Variants in OSBPL6 observed in about 807,000 individuals in gnomAD.
OSBPL6 encodes the protein oxysterol binding protein like 6.
Under a neutral mutation model 125.8 loss-of-function variants are expected in OSBPL6, and 49 were observed. The ratio of observed to expected loss-of-function variants is 0.39; its 90% CI spans 0.31 to 0.49. The LOEUF (loss-of-function observed/expected upper bound fraction) is 0.49. Among genes scored for constraint, OSBPL6 ranks in the 20% least tolerant of loss-of-function variants. The probability of loss-of-function intolerance (pLI) is 0.88; values close to 1 mark genes in which losing one functional copy is unlikely to be tolerated. For missense variants in OSBPL6, 986 were observed against 1,135.4 expected (o/e 0.87, Z 1.89); for synonymous variants, 394 against 391.8 (o/e 1.01, Z -0.07).
At chr2:178,361,563 T>C (rs1560871) in intron 12 of OSBPL6, 119 bp from the exon 13 acceptor site, 860,249 of 1,154,794 alleles carry the variant, frequency 0.74, 323,198 homozygotes, top group East Asian at 1. Context: ...TTAATTAGAC[T>C]ATTACATAGC....
chr2:178,283,937 C>G (rs1233164990), intron 1 of OSBPL6, among the ~76,000 whole-genome samples: 1 of 152,184 alleles, frequency 6.6e-6, no homozygotes, highest in African/African-American at 2.4e-5. Context: ...GTGGGATCCG[C>G]TCCTGTGACC....
At chr2:178,236,732 C>T (rs893074954) in intron 1 of OSBPL6, among the ~76,000 whole-genome samples, 1 of 152,214 alleles carries the variant, frequency 6.6e-6, no homozygotes, top group African/African-American at 2.4e-5. Context: ...CAGAATTTGT[C>T]TACAGTCACT....
intron 1 of OSBPL6, among the ~76,000 whole-genome samples, chr2:178,237,451 C>G (rs1325168295): frequency 1.3e-5 from 2 of 152,066 alleles, no homozygotes; most frequent in Non-Finnish European, 2.9e-5. Context: ...TATTGCTCAC[C>G]CATTGAAAAG....
chr2:178,309,477 T>C (rs565413427), intron 3 of OSBPL6, among the ~76,000 whole-genome samples: 1 of 152,222 alleles, frequency 6.6e-6, no homozygotes, highest in Non-Finnish European at 1.5e-5. Context: ...CATGGATAAG[T>C]AAAACAAAGA....
At chr2:178,249,822 G>A (rs2091626473) in intron 1 of OSBPL6, among the ~76,000 whole-genome samples, 1 of 139,166 alleles carries the variant, frequency 7.2e-6, no homozygotes, top group Non-Finnish European at 1.5e-5. Flanking sequence ...TCCCTAACTA[G>A]AAGTGTTTTT....
chr2:178,274,169 T>C (rs1393489839), intron 1 of OSBPL6, among the ~76,000 whole-genome samples: 2 of 152,208 alleles, frequency 1.3e-5, no homozygotes, highest in Non-Finnish European at 2.9e-5. Context: ...TATTGCAAGC[T>C]AGTAAAAGAA....
chr2:178,382,708 A>C, intron 16 of OSBPL6: 1 of 1,450,844 alleles, frequency 6.9e-7, no homozygotes. Flanking sequence ...AATAGTTAAG[A>C]GAAAACGTTT....
chr2:178,363,719 A>C (rs1008419188), intron 13 of OSBPL6, among the ~76,000 whole-genome samples: 1 of 152,112 alleles, frequency 6.6e-6, no homozygotes, highest in African/African-American at 2.4e-5. Flanking sequence ...GGGTTAACAT[A>C]TTTCCCTCTC....
intron 1 of OSBPL6, among the ~76,000 whole-genome samples, chr2:178,214,634 T>C (rs1022984081): frequency 6.6e-6 from 1 of 152,156 alleles, no homozygotes; most frequent in Non-Finnish European, 1.5e-5. Flanking sequence ...TTATGGACTT[T>C]AGTCACATCT....
chr2:178,400,722 C>T lies in OSBPL6; in HGVS notation c.*5163C>T, dbSNP rs910149527. 2.0e-5 allele frequency: 3 copies of T among 152,220 alleles called. No homozygotes were observed. The highest frequency in any genetic ancestry group is 4.4e-5 in the Non-Finnish European group (3 of 68,042). 9.4% of individuals were successfully genotyped at this position (152,220 alleles called of 1,614,324 possible). ...AAATAGTGAACATATCTATCATCCC[C>T]AAAAGTTTCCCCTGCCCCTTTGTAA... On this transcript the variant is annotated 3_prime_UTR_variant, in exon 25 of 25. Coordinates refer to ENST00000190611, the MANE Select transcript of OSBPL6 (RefSeq NM_032523.4).
chr2:178,204,025 CTTTTTTTTTTT>C (rs1166160655), intron 1 of OSBPL6, among the ~76,000 whole-genome samples: 4 of 129,004 alleles, frequency 3.1e-5, no homozygotes, highest in Non-Finnish European at 6.6e-5. Context: ...TTTTCTTTTT[CTTTTTTTTTTT>C]TTTTTTTGAG....
intron 4 of OSBPL6, among the ~76,000 whole-genome samples, chr2:178,324,647 C>T (rs919232978): frequency 6.6e-6 from 1 of 152,210 alleles, no homozygotes; most frequent in African/African-American, 2.4e-5. Flanking sequence ...CCATGTACTG[C>T]ATCACCGGAC....
intron 1 of OSBPL6, among the ~76,000 whole-genome samples, chr2:178,205,923 C>G (rs543852416): frequency 2.7e-4 from 41 of 152,252 alleles, no homozygotes; most frequent in Non-Finnish European, 4.4e-4. Context: ...ATGAAAATAT[C>G]AAAGGGTGGG....
chr2:178,257,717 G>T (rs1360736192), intron 1 of OSBPL6, among the ~76,000 whole-genome samples: 1 of 152,116 alleles, frequency 6.6e-6, no homozygotes, highest in Non-Finnish European at 1.5e-5. Flanking sequence ...GTTCAGAAAG[G>T]TTGTGACTTT....
At position 178,339,730 on chromosome 2, in the gene OSBPL6, A is replaced by T. The variant is rs1690035524; in HGVS notation, c.953A>T (p.Lys318Ile). 1 of 1,606,320 alleles carries T rather than the reference A, an allele frequency of 6.2e-7. No individual in the cohort carries two copies. The highest frequency in any genetic ancestry group is 1.3e-5 in the African/African-American group (1 of 74,530). Residue 318 changes from lysine (K) to isoleucine (I), a missense_variant, in exon 11 of 25, where the codon AAA becomes ATA. By Grantham distance (102) the Lys-to-Ile change is moderately radical. This residue lies in a region of OSBPL6 where 843 missense variants were observed against 997.3 expected (regional missense o/e 0.85). Transcript: ENST00000190611. ...CGGGTCACAAGACGATGGAGAACAA[A>T]AAGTGTCAGCAAAGATACAAAAATA... Reference protein sequence around the residue: ...DKRVTRRWRTKSVSKDTKIQL... With the variant: ...DKRVTRRWRTISVSKDTKIQL...
At chr2:178,196,651 T>C (rs2088904473) in intron 1 of OSBPL6, among the ~76,000 whole-genome samples, 1 of 152,216 alleles carries the variant, frequency 6.6e-6, no homozygotes, top group Non-Finnish European at 1.5e-5. Flanking sequence ...GAGGTCTTAG[T>C]ACCACCACAG....
chr2:178,221,290 T>A (rs546937477), intron 1 of OSBPL6, among the ~76,000 whole-genome samples: 3 of 152,314 alleles, frequency 2.0e-5, no homozygotes, highest in African/African-American at 7.2e-5. Flanking sequence ...TTGTTTAAAT[T>A]TGGGTGACCA....
In OSBPL6 at chr2:178,259,026, T is replaced by A. The variant is rs141308003; in HGVS notation, c.-350-25901T>A. Among the ~76,000 whole-genome samples, 101 of 152,336 alleles carry A rather than the reference T, an allele frequency of 6.6e-4. 3 individuals are homozygous for A. In the East Asian group the frequency reaches 0.017, roughly 26 times the overall value. The stretch of plus-strand genomic sequence containing the variant: ...CCTCTCATTATTAGTTGAGCTCACA[T>A]AGAGAGATGAACAGTTTTCCTGATC... On this transcript the variant is annotated intron_variant, in intron 1 of 24. Transcript: ENST00000190611.
intron 15 of OSBPL6, among the ~76,000 whole-genome samples, chr2:178,376,627 T>G (rs1393598972): frequency 6.6e-5 from 10 of 152,318 alleles, no homozygotes; most frequent in South Asian, 4.2e-4. Context: ...AAGGACACTG[T>G]ATCCAGTGTC....
Sources: gnomAD v4.1 joint callset for allele counts (sites outside exome capture counted in the v4.1 genomes callset) on GRCh38, gnomAD v4.1.1 for gene constraint, gnomAD v4.1.1 regional missense constraint, MANE v1.5 for transcripts, NCBI Gene and HGNC (gene_info 2026-07-23, HGNC 2026-07-21) for gene names.